Variants in CHRDL1 observed in about 807,000 individuals in gnomAD.
The protein encoded by CHRDL1 is chordin like 1, also known as chordin-like protein 1.
In CHRDL1, 19 loss-of-function variants were observed where a neutral mutation model predicts 40.9. The observed-to-expected ratio is 0.46, with a 90% CI of 0.32 to 0.68. CHRDL1 has a LOEUF of 0.68. Ranked by LOEUF, CHRDL1 falls within the 30% of genes least tolerant of loss-of-function variation. CHRDL1 has a pLI of 0.03. For missense variants in CHRDL1, 329 were observed against 352.1 expected, an observed-to-expected ratio of 0.93 and a Z score of 0.53; for synonymous variants, 136 against 123.4, an observed-to-expected ratio of 1.10 and a Z score of -0.68.
intron 7 of CHRDL1, among the ~76,000 whole-genome samples, chrX:110,697,862 A>G (rs1024128734): frequency 2.0e-5 from 2 of 100,499 alleles, no homozygotes; most frequent in African/African-American, 8.5e-5. Context: ...ACACACACAC[A>G]CACACACACA....
intron 6 of CHRDL1, among the ~76,000 whole-genome samples, chrX:110,712,788 T>C (rs1339517146): frequency 2.7e-5 from 3 of 110,931 alleles, no homozygotes; most frequent in African/African-American, 9.8e-5. Context: ...GGGTAGCTTG[T>C]AGTTTGAGGC....
At chrX:110,706,654 T>A (rs2148448720) in intron 6 of CHRDL1, among the ~76,000 whole-genome samples, 1 of 112,079 alleles carries the variant, frequency 8.9e-6, no homozygotes, top group South Asian at 3.8e-4. Flanking sequence ...GATTCCGAGA[T>A]ACCCATGAAG....
chrX:110,773,745 A>T (rs2089800249), intron 2 of CHRDL1, among the ~76,000 whole-genome samples: 1 of 107,307 alleles, frequency 9.3e-6, no homozygotes, highest in African/African-American at 3.4e-5. Flanking sequence ...AAAAAAAAAA[A>T]GTATAGTATG....
intron 3 of CHRDL1, among the ~76,000 whole-genome samples, chrX:110,760,672 C>T (rs1041205671): frequency 2.7e-5 from 3 of 112,093 alleles, no homozygotes; most frequent in African/African-American, 9.7e-5. Flanking sequence ...ATCAGGCCAT[C>T]CCAGGCAGTT....
intron 9 of CHRDL1, among the ~76,000 whole-genome samples, chrX:110,683,958 G>A (rs1279458795): frequency 2.7e-5 from 3 of 112,038 alleles, no homozygotes; most frequent in African/African-American, 9.7e-5. Context: ...ACCTCCACTG[G>A]ACTCTCTCCC....
At position 110,778,813 on chromosome X, in the gene CHRDL1, C is replaced by A. The variant is rs1323739267; in HGVS notation, c.94+13275G>T. Among the ~76,000 whole-genome samples the A allele has an allele frequency of 3.6e-5, 4 of 111,693 alleles. No homozygotes were observed. The East Asian group carries it at 1.1e-3, about 31-fold the overall frequency. ...GACACATGTGTGCATATGTTCACTGCAGCACTATTCACAATACAAAAGACA... is the reference window on the plus strand; with the variant it reads ...GACACATGTGTGCATATGTTCACTGAAGCACTATTCACAATACAAAAGACA... On this transcript the variant is annotated intron_variant, in intron 2 of 11. Transcript: ENST00000372042.
Position 110,792,189 on chromosome X carries a change from A to G in CHRDL1, c.-8T>C. On this transcript the variant is annotated 5_prime_UTR_variant, in exon 2 of 12. Transcript: ENST00000372042. ...TTTCCACTTTTTTCTCATTTGGACC[A>G]CTGCAAAAGGTGACAGAACCTTCAA... 9.2e-7 allele frequency: 1 copy of G among 1,083,118 alleles called. No homozygotes were observed. Among genetic ancestry groups the G allele is most frequent in the Non-Finnish European group, 1.3e-6 (1 of 783,380 alleles). 89.3% of individuals were successfully genotyped at this position (1,083,118 alleles called of 1,213,427 possible).
intron 6 of CHRDL1, among the ~76,000 whole-genome samples, chrX:110,701,115 C>T (rs1301785321): frequency 8.9e-6 from 1 of 111,922 alleles, no homozygotes; most frequent in East Asian, 2.8e-4. Flanking sequence ...AGGATTTGAT[C>T]TGTCATAATT....
chrX:110,684,525 C>T (rs2069965219), intron 9 of CHRDL1, among the ~76,000 whole-genome samples: 1 of 111,813 alleles, frequency 8.9e-6, no homozygotes, highest in Non-Finnish European at 1.9e-5. Context: ...TGCTTCCTGC[C>T]CCATTCACTC....
At chrX:110,791,383 G>T (rs373757463) in intron 2 of CHRDL1, among the ~76,000 whole-genome samples, 9 of 111,817 alleles carry the variant, frequency 8.0e-5, no homozygotes, top group African/African-American at 2.9e-4. Flanking sequence ...TATGTCGACC[G>T]TTACTCATAA....
intron 6 of CHRDL1, among the ~76,000 whole-genome samples, chrX:110,715,521 A>T (rs1324159634): frequency 8.9e-6 from 1 of 111,747 alleles, no homozygotes; most frequent in Non-Finnish European, 1.9e-5. Flanking sequence ...CCATTTTTAC[A>T]CCTGAGAAAA....
At position 110,679,336 on chromosome X, in the gene CHRDL1, T is replaced by G. The variant is rs1191238622; in HGVS notation, c.1246A>C (p.Ser416Arg). The G allele has an allele frequency of 3.4e-6, 4 of 1,175,777 alleles. No individual in the cohort carries two copies. Among genetic ancestry groups the G allele is most frequent in the Non-Finnish European group, 4.6e-6 (4 of 863,967 alleles). Residue 416 changes from serine (S) to arginine (R), a missense_variant and splice_region_variant, in exon 11 of 12, where the codon AGC becomes CGC. Ser to Arg is a moderately radical substitution (Grantham distance 110). Transcript: ENST00000372042. ...AGCAGTCAAGAGAAGTACTACTTACTCAGGGTTGTTCTGGTCACCAGCTTG... is the reference window on the plus strand; with the variant it reads ...AGCAGTCAAGAGAAGTACTACTTACGCAGGGTTGTTCTGGTCACCAGCTTG... Reference protein sequence around the residue: ...HFKLVTRTTLSQWKIFTEGEA... With the variant: ...HFKLVTRTTLRQWKIFTEGEA...
intron 7 of CHRDL1, among the ~76,000 whole-genome samples, chrX:110,700,046 T>G (rs921085997): frequency 8.9e-6 from 1 of 112,300 alleles, no homozygotes; most frequent in Non-Finnish European, 1.9e-5. Context: ...TAGAGAGGAA[T>G]GCTATTTTAT....
In CHRDL1 at chrX:110,746,256, C is replaced by G. The variant is rs941229076; in HGVS notation, c.301+13405G>C. ...TGCAAGAGGCGCCAGATGACAGCCT[C>G]TAGCAAGACCACGGATTAGCAGAAG... On this transcript the variant is annotated intron_variant, in intron 4 of 11. Transcript: ENST00000372042. Among the ~76,000 whole-genome samples the G allele has an allele frequency of 2.7e-5, 3 of 111,107 alleles. No individual in the cohort carries two copies. The East Asian group carries it at 8.6e-4, about 32-fold the overall frequency.
At chrX:110,774,882 C>A (rs917942189) in intron 2 of CHRDL1, among the ~76,000 whole-genome samples, 1 of 111,480 alleles carries the variant, frequency 9.0e-6, no homozygotes, top group African/African-American at 3.3e-5. Context: ...TAGGCCTTGG[C>A]AATTTGCAAG....
Position 110,695,733 on chromosome X carries a change from G to A in CHRDL1, c.610-1402C>T, listed in dbSNP as rs138212593. 8.0e-3 allele frequency among the ~76,000 whole-genome samples: 896 copies of A among 111,842 alleles called. 4 individuals are homozygous for A. Among genetic ancestry groups the A allele is most frequent in the Non-Finnish European group, 0.012 (629 of 53,191 alleles). On this transcript the variant is annotated intron_variant, in intron 7 of 11. Transcript: ENST00000372042. ...CCATAAAACACTGTTTAAAGTTATGGGCCACAGACAGGCATGTTGCAAATT... is the reference window on the plus strand; with the variant it reads ...CCATAAAACACTGTTTAAAGTTATGAGCCACAGACAGGCATGTTGCAAATT...
At chrX:110,703,124 T>C (rs755610840) in intron 6 of CHRDL1, among the ~76,000 whole-genome samples, 8 of 111,403 alleles carry the variant, frequency 7.2e-5, no homozygotes, top group Non-Finnish European at 1.5e-4. Flanking sequence ...TGGAAACTTG[T>C]TAGAAATGCC....
chrX:110,689,538 C>CTA (rs2070136452), intron 8 of CHRDL1, among the ~76,000 whole-genome samples: 4 of 11,266 alleles, frequency 3.6e-4, no homozygotes, highest in South Asian at 3.4e-3. Flanking sequence ...CTATATATCT[C>CTA]TATATCTCTA....
At chrX:110,747,757 A>T (rs2089284551) in intron 4 of CHRDL1, among the ~76,000 whole-genome samples, 1 of 112,463 alleles carries the variant, frequency 8.9e-6, no homozygotes, top group East Asian at 2.8e-4. Context: ...CCCCCAATGG[A>T]GGTCAACTCA....
Sources: gnomAD v4.1 joint callset for allele counts (sites outside exome capture counted in the v4.1 genomes callset) on GRCh38, gnomAD v4.1.1 for gene constraint, MANE v1.5 for transcripts, NCBI Gene and HGNC (gene_info 2026-07-23, HGNC 2026-07-21) for gene names.